Variants in CES5A observed in about 807,000 individuals in gnomAD.
CES5A encodes carboxylesterase 5.
In CES5A, 67 loss-of-function variants were observed where a neutral mutation model predicts 62.9. The ratio of observed to expected loss-of-function variants is 1.07; its 90% confidence interval spans 0.88 to 1.31. The LOEUF is 1.31. Among genes scored for constraint, CES5A ranks in the 50% most tolerant of loss-of-function variants. CES5A has a pLI of 0.00. For missense variants in CES5A, 748 were observed against 708.5 expected (o/e 1.06, Z -0.63); for synonymous variants, 296 against 280.8 (o/e 1.05, Z -0.54).
At chr16:55,944,785 C>T (rs376960161) in intron 2 of CES5A, among the ~76,000 whole-genome samples, 169 of 152,336 alleles carry the variant, frequency 1.1e-3, no homozygotes, top group African/African-American at 3.9e-3. Flanking sequence ...CCAGATACCC[C>T]ACCCTCAGCC....
rs763141152 is a variant in CES5A at position 55,854,531 on chromosome 16, CT to C, written c.1126-1504del. On this transcript the variant is annotated intron_variant, in intron 9 of 12. Coordinates refer to ENST00000290567, the MANE Select transcript of CES5A (RefSeq NM_001143685.2). ...TGAGGGATATCTGCCTGTAGTGTTT[CT>C]TTTTTTTTTTTCTTTTTTTTTTTTT... is the stretch of plus-strand genomic sequence containing the variant. Among the ~76,000 whole-genome samples, 78 of 52,146 alleles carry C rather than the reference CT, an allele frequency of 1.5e-3. 4 individuals carry two copies. The East Asian group carries it at 0.026, about 17-fold the overall frequency. The allele number at this position is 52,146 out of a possible 152,430, so 34.2% of individuals were successfully genotyped here.
chr16:55,859,485 G>A (rs1422430788), intron 8 of CES5A, 62 bp downstream of exon 8: 3 of 1,547,106 alleles, frequency 1.9e-6, no homozygotes, highest in East Asian at 4.5e-5. Flanking sequence ...ATGCCCAGCT[G>A]TTGAAGCCAA....
intron 2 of CES5A, among the ~76,000 whole-genome samples, chr16:55,941,923 A>T (rs2034450484): frequency 6.6e-6 from 1 of 152,244 alleles, no homozygotes; most frequent in Middle Eastern, 3.4e-3. Flanking sequence ...TTAAAATAAA[A>T]TTTCTTTTTA....
At chr16:55,918,159 T>C (rs1567353968) in intron 1 of CES5A, among the ~76,000 whole-genome samples, 1 of 152,146 alleles carries the variant, frequency 6.6e-6, no homozygotes, top group Non-Finnish European at 1.5e-5. Flanking sequence ...GTCCAGCTTG[T>C]CTTTCTAATG....
chr16:55,868,429 G>A (rs2033510338), intron 4 of CES5A, among the ~76,000 whole-genome samples: 1 of 152,118 alleles, frequency 6.6e-6, no homozygotes, highest in Non-Finnish European at 1.5e-5. Context: ...CCAAGCACAT[G>A]TTCTCTGAAC....
intron 5 of CES5A, among the ~76,000 whole-genome samples, chr16:55,864,619 G>C (rs1199436333): frequency 6.6e-6 from 1 of 152,200 alleles, no homozygotes; most frequent in Non-Finnish European, 1.5e-5. Context: ...GTCAGGCCAG[G>C]CATAGTGGCT....
intron 1 of CES5A, among the ~76,000 whole-genome samples, chr16:55,952,100 G>A (rs2034563689): frequency 6.6e-6 from 1 of 152,046 alleles, no homozygotes; most frequent in African/African-American, 2.4e-5. Context: ...TACCATCTGG[G>A]ACAAAATGTA....
chr16:55,848,507 T>C (rs2033063075), intron 11 of CES5A, among the ~76,000 whole-genome samples: 1 of 152,200 alleles, frequency 6.6e-6, no homozygotes, highest in Non-Finnish European at 1.5e-5. Context: ...TTAAGTGTTT[T>C]GTTTTTTTCA....
intron 1 of CES5A, among the ~76,000 whole-genome samples, chr16:55,911,917 G>C (rs969661700): frequency 3.9e-5 from 6 of 152,230 alleles, no homozygotes; most frequent in African/African-American, 1.4e-4. Context: ...AGAGGGATGT[G>C]TATTCTTTGG....
intron 1 of CES5A, among the ~76,000 whole-genome samples, chr16:55,890,594 T>A (rs1019675486): frequency 2.0e-5 from 3 of 152,184 alleles, no homozygotes; most frequent in Non-Finnish European, 4.4e-5. Context: ...TAAATAGTGA[T>A]ATATCTTATA....
At chr16:55,889,916 A>G (rs1324698368) in intron 1 of CES5A, among the ~76,000 whole-genome samples, 1 of 152,154 alleles carries the variant, frequency 6.6e-6, no homozygotes, top group Non-Finnish European at 1.5e-5. Context: ...AAGGATGAAG[A>G]TCACTTATAT....
At chr16:55,861,661 A>G (rs573509629) in intron 6 of CES5A, 145 bp from the exon 7 acceptor site, 3 of 672,138 alleles carry the variant, frequency 4.5e-6, no homozygotes, top group Admixed American at 5.1e-5. Context: ...CCACACCCCT[A>G]TAATTGAAGG....
At chr16:55,931,346 C>A (rs2034309805) in intron 2 of CES5A, among the ~76,000 whole-genome samples, 1 of 152,134 alleles carries the variant, frequency 6.6e-6, no homozygotes, top group Admixed American at 6.5e-5. Flanking sequence ...ATCCTTTAAC[C>A]AAAGGTCCTC....
At chr16:55,906,679 G>T (rs1325540389) in intron 1 of CES5A, among the ~76,000 whole-genome samples, 2 of 152,236 alleles carry the variant, frequency 1.3e-5, no homozygotes, top group Non-Finnish European at 2.9e-5. Flanking sequence ...GGAGTCCCAA[G>T]AGAGGGGCTT....
intron 1 of CES5A, among the ~76,000 whole-genome samples, chr16:55,917,249 G>C (rs529147807): frequency 6.6e-6 from 1 of 152,328 alleles, no homozygotes; most frequent in Admixed American, 6.5e-5. Context: ...ATATTCATTT[G>C]AATGTCTGTA....
chr16:55,931,699 C>T (rs1306453828), intron 2 of CES5A, among the ~76,000 whole-genome samples: 1 of 152,132 alleles, frequency 6.6e-6, no homozygotes, highest in African/African-American at 2.4e-5. Context: ...TCCCCTTATC[C>T]AGGAAGCTCT....
At chr16:55,868,614 A>T (rs1323312219) in intron 4 of CES5A, among the ~76,000 whole-genome samples, 5 of 152,154 alleles carry the variant, frequency 3.3e-5, no homozygotes, top group African/African-American at 4.8e-5. Flanking sequence ...TCCCTGCATT[A>T]TCTCTCCCAT....
upstream of CES5A, among the ~76,000 whole-genome samples, chr16:55,879,604 A>ATTCTT (rs1261433221): frequency 6.6e-6 from 1 of 151,852 alleles, no homozygotes; most frequent in South Asian, 2.1e-4. Flanking sequence ...TTTGCCTTGA[A>ATTCTT]TTCTTTTCTT....
At chr16:55,895,087 C>G (rs1440366439) in intron 1 of CES5A, among the ~76,000 whole-genome samples, 6 of 152,198 alleles carry the variant, frequency 3.9e-5, no homozygotes, top group Non-Finnish European at 8.8e-5. Context: ...CCTTCAGACT[C>G]TGCCCAAACA....
Sources: gnomAD v4.1 joint callset for allele counts (sites outside exome capture counted in the v4.1 genomes callset) on GRCh38, gnomAD v4.1.1 for gene constraint, MANE v1.5 for transcripts, NCBI Gene and HGNC (gene_info 2026-07-23, HGNC 2026-07-21) for gene names.